Variants in KMT2D observed in about 807,000 individuals in gnomAD.
KMT2D encodes the protein lysine methyltransferase 2D, also known as histone-lysine N-methyltransferase 2D.
In KMT2D, 55 loss-of-function variants were observed where a neutral mutation model predicts 512.7. The ratio of observed to expected loss-of-function variants is 0.11; its 90% CI spans 0.09 to 0.13. KMT2D has a LOEUF of 0.13. KMT2D is among the 10% of genes least tolerant of loss of function. The pLI, the probability that KMT2D is intolerant of heterozygous loss-of-function variation, is 1.00. For missense variants in KMT2D, 6,061 were observed against 7,127.9 expected, an observed-to-expected ratio of 0.85 and a Z score of 5.39; for synonymous variants, 2,995 against 2,904.0, an observed-to-expected ratio of 1.03 and a Z score of -1.01.
Position 49,050,932 on chromosome 12 carries a change from C to T in KMT2D, c.2751G>A (p.Leu917=), listed in dbSNP as rs1404552962. ...PLSPLPEELP[L]SPSGEPSLSP... ...ACAAGGATGGCTCCCCAGATGGGGA[C>T]AACGGCAGCTCCTCGGGCAGAGGGG... is the stretch of plus-strand genomic sequence containing the variant. Residue 917 remains leucine, a synonymous_variant, in exon 11 of 55, where the codon TTG becomes TTA. Coordinates refer to ENST00000301067, the MANE Select transcript of KMT2D (RefSeq NM_003482.4). 6.5e-7 allele frequency: 1 copy of T among 1,539,922 alleles called. No individual in the cohort carries two copies. The highest frequency in any genetic ancestry group is 8.7e-7 in the Non-Finnish European group (1 of 1,143,010).
In KMT2D at chr12:49,041,920, G is replaced by A. The variant is rs186577948; in HGVS notation, c.6180C>T (p.Tyr2060=). The part of the protein sequence containing the change: ...RKVPAADKAP[Y]LQKAKDNRAA... ...TCCATGCTCCTTTCTGCCTCACCAG[G>A]TAGGGGGCTTTGTCAGCTGCTGGAA... The change falls in exon 30 of 55, where the codon TAC becomes TAT. Residue 2060 remains tyrosine (Y), a synonymous_variant. Coordinates refer to ENST00000301067, the MANE Select transcript of KMT2D (RefSeq NM_003482.4). This position sits in a 1 kb window ranked among gnomAD's most constrained non-coding sequence, Gnocchi z 5.4. 5.2e-4 allele frequency: 838 copies of A among 1,604,854 alleles called. 8 individuals carry two copies. The African/African-American group carries it at 9.3e-3, about 18-fold the overall frequency.
rs928399808 is a variant in KMT2D at position 49,059,982 on chromosome 12, G to C, written c.-407C>G. Among the ~76,000 whole-genome samples the C allele has an allele frequency of 5.7e-4, 87 of 151,474 alleles. No individual in the cohort carries two copies. The highest frequency in any genetic ancestry group is 3.1e-3 in the Admixed American group (47 of 15,254). The stretch of plus-strand genomic sequence containing the variant: ...GGCCAGCGCCCCGGCCGCCCGCGCC[G>C]GGCTCGGGCGGAACGTCGAGGCTCT... On this transcript the variant is annotated 5_prime_UTR_variant, in exon 1 of 55. Transcript: ENST00000301067.
Position 49,041,348 on chromosome 12 carries a change from C to G in KMT2D, c.6422G>C (p.Gly2141Ala). 1 of 1,555,056 alleles carries G rather than the reference C, an allele frequency of 6.4e-7. No individual in the cohort carries two copies. The highest frequency in any genetic ancestry group is 8.7e-7 in the Non-Finnish European group (1 of 1,150,798). ...CGAGCCCGCCGGCGGCTTCAGGAAC[C>G]CGTCCGCAGAGGTAGACAAGCCGGC... ...TPAGLSTSAD[G>A]FLKPPAGSVP... Residue 2141 changes from glycine to alanine, a missense_variant, in exon 32 of 55, where the codon GGG (glycine) becomes GCG (alanine). Physicochemically the swap from Gly to Ala is moderately conservative, Grantham distance 60. Around this residue, in one of 16 missense-constraint regions of KMT2D, gnomAD observed 710 missense variants for 647.3 expected, o/e 1.10. Coordinates refer to ENST00000301067, the MANE Select transcript of KMT2D (RefSeq NM_003482.4). This position sits in a 1 kb window ranked among gnomAD's most constrained non-coding sequence, Gnocchi z 5.4.
At position 49,051,578 on chromosome 12, in the gene KMT2D, G is replaced by C. The variant is rs1938025576; in HGVS notation, c.2105C>G (p.Pro702Arg). ...PPEDSPTSPP[P>R]EDSPASPPPE... The stretch of plus-strand genomic sequence containing the variant: ...TGGTGGGGAAGCAGGTGAGTCCTCA[G>C]GTGGTGGGGATGTGGGGGAGTCCTC... Residue 702 changes from proline (P) to arginine (R), a missense_variant, in exon 11 of 55, where the codon CCT becomes CGT. By Grantham distance (103) the Pro-to-Arg change is moderately radical. Transcript: ENST00000301067. 1.2e-6 allele frequency: 2 copies of C among 1,603,258 alleles called. No individual in the cohort carries two copies. Among genetic ancestry groups the C allele is most frequent in the African/African-American group, 1.3e-5 (1 of 74,852 alleles).
rs2120423939 is a variant in KMT2D, at chr12:49,031,759, C to G, written c.12946G>C (p.Glu4316Gln). Residue 4316 changes from glutamate (E) to glutamine (Q), a missense_variant, in exon 40 of 55, where the codon GAG becomes CAG. Physicochemically the swap from Glu to Gln is conservative, Grantham distance 29 (BLOSUM62 2). Transcript: ENST00000301067. Reference protein sequence around the residue: ...HPTPPPSSPQEPKRPSQLPSP... With the variant: ...HPTPPPSSPQQPKRPSQLPSP... The stretch of plus-strand genomic sequence containing the variant: ...GGTAATTGTGAAGGTCTCTTTGGCT[C>G]TTGAGGGCTGGATGGTGGAGGTGTG... 6.2e-7 allele frequency: 1 copy of G among 1,612,628 alleles called. No homozygotes were observed. The highest frequency in any genetic ancestry group is 8.5e-7 in the Non-Finnish European group (1 of 1,179,228).
rs2120596712 is a variant in KMT2D at position 49,045,945 on chromosome 12, C to T, written c.4716G>A (p.Leu1572=). ...KPVAPVAPPE[L]VPMKVKEPEP... is the part of the protein sequence containing the mutation. The stretch of plus-strand genomic sequence containing the variant: ...CTGGCTCTTTCACCTTCATGGGCAC[C>T]AGCTCTGGAGGTGCAACAGGCGCTA... Residue 1572 remains leucine, a synonymous_variant, in exon 19 of 55, where the codon CTG becomes CTA. Coordinates refer to ENST00000301067, the MANE Select transcript of KMT2D (RefSeq NM_003482.4). The T allele has an allele frequency of 6.2e-7, 1 of 1,613,964 alleles. No homozygotes were observed. Among genetic ancestry groups the T allele is most frequent in the Non-Finnish European group, 8.5e-7 (1 of 1,179,880 alleles).
Position 49,051,847 on chromosome 12 carries a change from A to G in KMT2D, c.1836T>C (p.Pro612=). Residue 612 remains proline (P), a synonymous_variant, in exon 11 of 55, where the codon CCT becomes CCC. Transcript: ENST00000301067. ...GTGGTGGGGAAAGGGGAGACTCCTC[A>G]GGTGGAGGGGACAGAGGAGACTCTT... ...PFEESPLSPP[P]EESPLSPPPE... 1 of 1,611,614 alleles carries G rather than the reference A, an allele frequency of 6.2e-7. No individual in the cohort carries two copies. The highest frequency in any genetic ancestry group is 8.5e-7 in the Non-Finnish European group (1 of 1,178,838).
At position 49,046,215 on chromosome 12, in the gene KMT2D, G is replaced by A. The variant is rs773384333; in HGVS notation, c.4584-41C>T. ...TGGAGGAAATAAGCTCAGGCAATGC[G>A]AGGCTGGCAACAGGGCCAAAGTGAG... On this transcript the variant is annotated intron_variant, in intron 17 of 54. Transcript: ENST00000301067. The surrounding 1 kb of genome is among the most constrained non-coding windows in gnomAD (Gnocchi z 4.2). 44 of 1,613,346 alleles carry A rather than the reference G, an allele frequency of 2.7e-5. No individual in the cohort carries two copies. Among genetic ancestry groups the A allele is most frequent in the African/African-American group, 1.5e-4 (11 of 75,012 alleles).
Position 49,044,392 on chromosome 12 carries a change from C to T in KMT2D, c.5083+11G>A, listed in dbSNP as rs1426463763. 1.5e-5 allele frequency: 24 copies of T among 1,613,962 alleles called. No individual in the cohort carries two copies. The highest frequency in any genetic ancestry group is 2.0e-5 in the Non-Finnish European group (24 of 1,179,860). ...ACCCCACCACCCCACAACCCCATCC[C>T]AGGACCTCACCAGGCCGATATGGTT... On this transcript the variant is annotated intron_variant, in intron 21 of 54. Transcript: ENST00000301067. This position sits in a 1 kb window ranked among gnomAD's most constrained non-coding sequence, Gnocchi z 6.4.
At chr12:49,052,497 T>C (rs746838323) in intron 10 of KMT2D, 67 bp downstream of exon 10, 6 of 1,576,412 alleles carry the variant, frequency 3.8e-6, no homozygotes, top group Non-Finnish European at 4.3e-6. Flanking sequence ...TCTGGGGCAA[T>C]GCACAAACTG....
chr12:49,042,349 G>T lies in KMT2D; in HGVS notation c.5868-19C>A. 6.6e-7 allele frequency: 1 copy of T among 1,509,770 alleles called. No homozygotes were observed. The highest frequency in any genetic ancestry group is 8.9e-7 in the Non-Finnish European group (1 of 1,128,574). 93.5% of individuals were successfully genotyped at this position (1,509,770 alleles called of 1,614,324 possible). A position where few individuals can be genotyped will look rare whatever the true frequency, so the allele number is the denominator to read the frequency against. ...GCGCTCCCTGGGGCGCAGGGGCAGA[G>T]AGTCACAGGGCGCAGGGATGCCAAG... On this transcript the variant is annotated intron_variant, in intron 28 of 54. Coordinates refer to ENST00000301067, the MANE Select transcript of KMT2D (RefSeq NM_003482.4). This position sits in a 1 kb window ranked among gnomAD's most constrained non-coding sequence, Gnocchi z 4.4.
intron 6 of KMT2D, 23 bp downstream of exon 6, chr12:49,053,955 G>T (rs529271936): frequency 6.2e-7 from 1 of 1,609,934 alleles, no homozygotes; most frequent in South Asian, 1.1e-5. Context: ...TTTGCCCTAT[G>T]ACCAAAGATC....
chr12:49,041,359 G>A lies in KMT2D; in HGVS notation c.6411C>T (p.Thr2137=), dbSNP rs2120545786. The change falls in exon 32 of 55, where the codon ACC becomes ACT. Residue 2137 remains threonine (T), a synonymous_variant. Transcript: ENST00000301067. The surrounding 1 kb of genome is among the most constrained non-coding windows in gnomAD (Gnocchi z 5.4). ...GSPTTPAGLS[T]SADGFLKPPA... is the part of the protein sequence containing the mutation. ...GCGGCTTCAGGAACCCGTCCGCAGA[G>A]GTAGACAAGCCGGCGGGGGTAGTGG... 2 of 1,582,288 alleles carry A rather than the reference G, an allele frequency of 1.3e-6. No homozygotes were observed. The highest frequency in any genetic ancestry group is 1.7e-6 in the Non-Finnish European group (2 of 1,164,340).
Position 49,030,991 on chromosome 12 carries a change from C to T in KMT2D, c.13573G>A (p.Val4525Ile), listed in dbSNP as rs1173696978. 6.2e-7 allele frequency: 1 copy of T among 1,613,950 alleles called. No individual in the cohort carries two copies. Among genetic ancestry groups the T allele is most frequent in the Non-Finnish European group, 8.5e-7 (1 of 1,179,882 alleles). ...ACCAACCTGTCGCTTGCCTTCTGTA[C>T]CCGCTTGGGCTTCGGTGTCAAAGGC... ...RKPLTPKPKR[V>I]QKASDRLVSS... The change falls in exon 41 of 55, where the codon GTA (valine) becomes ATA (isoleucine). Residue 4525 changes from valine (V) to isoleucine (I), a missense_variant. This residue lies in a region of KMT2D where 1,600 missense variants were observed against 1,754.9 expected (regional missense o/e 0.91). Coordinates refer to ENST00000301067, the MANE Select transcript of KMT2D (RefSeq NM_003482.4).
Position 49,034,918 on chromosome 12 carries a change from C to T in KMT2D, c.10249G>A (p.Ala3417Thr), listed in dbSNP as rs761409666. The T allele has an allele frequency of 6.2e-6, 10 of 1,613,886 alleles. No homozygotes were observed. The African/African-American group carries it at 6.7e-5, about 11-fold the overall frequency. Residue 3417 changes from alanine to threonine, a missense_variant, in exon 36 of 55, where the codon GCA becomes ACA. Around this residue, in one of 16 missense-constraint regions of KMT2D, gnomAD observed 533 missense variants for 539.6 expected, o/e 0.99. Coordinates refer to ENST00000301067, the MANE Select transcript of KMT2D (RefSeq NM_003482.4). ...FPDTDLDKFAAEDIIDPIAKA... is the reference protein window; with the variant it reads ...FPDTDLDKFATEDIIDPIAKA... ...GCAATGGGATCAATGATATCTTCTG[C>T]AGCAAATTTGTCCAGGTCTGGAGAG...
In KMT2D at chr12:49,051,749, G is replaced by T. The variant is rs757784071; in HGVS notation, c.1934C>A (p.Ser645Tyr). ...TAGGCGCGATACCTCAGGTGGGGGG[G>T]ACATAGGTGATTCTTCAGGTGGTGG... ...MSPPPEESPMSPPPEVSRLSP... is the reference protein window; with the variant it reads ...MSPPPEESPMYPPPEVSRLSP... Residue 645 changes from serine (S) to tyrosine (Y), a missense_variant, in exon 11 of 55, where the codon TCC (serine) becomes TAC (tyrosine). Physicochemically the swap from Ser to Tyr is moderately radical, Grantham distance 144. This residue lies in a region of KMT2D where 848 missense variants were observed against 838.5 expected (regional missense o/e 1.01). Coordinates refer to ENST00000301067, the MANE Select transcript of KMT2D (RefSeq NM_003482.4). The T allele has an allele frequency of 2.2e-6, 3 of 1,379,570 alleles. No homozygotes were observed. The highest frequency in any genetic ancestry group is 3.0e-5 in the African/African-American group (2 of 66,754). 85.5% of individuals were successfully genotyped at this position (1,379,570 alleles called of 1,614,324 possible). A position where few individuals can be genotyped will look rare whatever the true frequency, so the allele number is the denominator to read the frequency against.
Position 49,032,134 on chromosome 12 carries a change from T to G in KMT2D, c.12571A>C (p.Met4191Leu). ...SGQGLPGVGIMPTVGQLRAQL... is the reference protein window; with the variant it reads ...SGQGLPGVGILPTVGQLRAQL... ...GCTCGAAGCTGACCCACCGTAGGCA[T>G]GATTCCAACCCCAGGCAGACCCTGC... Residue 4191 changes from methionine to leucine, a missense_variant, in exon 40 of 55, where the codon ATG (methionine) becomes CTG (leucine). Met to Leu is a conservative substitution (Grantham distance 15). Around this residue, in one of 16 missense-constraint regions of KMT2D, gnomAD observed 1,600 missense variants for 1,754.9 expected, o/e 0.91. Coordinates refer to ENST00000301067, the MANE Select transcript of KMT2D (RefSeq NM_003482.4). 1 of 1,613,766 alleles carries G rather than the reference T, an allele frequency of 6.2e-7. No homozygotes were observed. Among genetic ancestry groups the G allele is most frequent in the Non-Finnish European group, 8.5e-7 (1 of 1,179,756 alleles).
Position 49,038,646 on chromosome 12 carries a change from G to A in KMT2D, c.8710C>T (p.Pro2904Ser), listed in dbSNP as rs2120501411. ...PFPGQGPPQR[P>S]RFYPVSEDPH... ...TCCTCACTTACAGGGTAAAAACGGG[G>A]TCTCTGAGGTGGGCCCTGACCAGGA... Residue 2904 changes from proline (P) to serine (S), a missense_variant, in exon 35 of 55, where the codon CCC becomes TCC. Pro to Ser is a moderately conservative substitution (Grantham distance 74). Coordinates refer to ENST00000301067, the MANE Select transcript of KMT2D (RefSeq NM_003482.4). This position sits in a 1 kb window ranked among gnomAD's most constrained non-coding sequence, Gnocchi z 5.7. 6.2e-7 allele frequency: 1 copy of A among 1,613,144 alleles called. No homozygotes were observed. Among genetic ancestry groups the A allele is most frequent in the South Asian group, 1.1e-5 (1 of 91,088 alleles).
Position 49,021,690 on chromosome 12 carries a change from G to A in KMT2D, c.*90C>T, listed in dbSNP as rs867043412. 2.6e-6 allele frequency: 3 copies of A among 1,142,000 alleles called. No homozygotes were observed. Among genetic ancestry groups the A allele is most frequent in the Middle Eastern group, 2.8e-4 (1 of 3,512 alleles). The allele number at this position is 1,142,000 out of a possible 1,614,324, so 70.7% of individuals were successfully genotyped here. On this transcript the variant is annotated 3_prime_UTR_variant, in exon 55 of 55. Coordinates refer to ENST00000301067, the MANE Select transcript of KMT2D (RefSeq NM_003482.4). ...CCGGCAGCCCCAACCCTGGGTCCTG[G>A]CTCTGGCTGCTACCTCTCTTCCCCC...
Sources: allele counts gnomAD v4.1 joint callset (sites outside exome capture counted in the v4.1 genomes callset), GRCh38; gene constraint gnomAD v4.1.1; regional missense constraint gnomAD v4.1.1; non-coding constraint Gnocchi (gnomAD v3.1); transcripts MANE v1.5; gene names NCBI Gene and HGNC (gene_info 2026-07-23, HGNC 2026-07-21).